The following TBC1D32 variants were observed in gnomAD, a reference collection of about 807,000 sequenced individuals.
The protein encoded by TBC1D32 is TBC1 domain family member 32.
Under a neutral mutation model 170.3 loss-of-function variants are expected in TBC1D32, and 151 were observed. The observed-to-expected ratio is 0.89, with a 90% CI of 0.78 to 1.01. The LOEUF is 1.01. TBC1D32 is among the 50% of genes least tolerant of loss of function. The pLI is 0.00. For synonymous variants in TBC1D32, 498 were observed against 488.0 expected, an observed-to-expected ratio of 1.02 and a Z score of -0.27; for missense variants, 1,464 against 1,457.1, an observed-to-expected ratio of 1.00 and a Z score of -0.08.
chr6:121,245,401 A>C (rs1797466100), intron 17 of TBC1D32, among the ~76,000 whole-genome samples: 1 of 152,174 alleles, frequency 6.6e-6, no homozygotes, highest in African/African-American at 2.4e-5. Flanking sequence ...TTCTTAGAGT[A>C]AGGAGGAGAG....
chr6:121,096,620 C>A (rs1413355881), intron 30 of TBC1D32, among the ~76,000 whole-genome samples: 1 of 152,076 alleles, frequency 6.6e-6, no homozygotes, highest in Non-Finnish European at 1.5e-5. Flanking sequence ...GGCCATACTG[C>A]CCAAAGTAAT....
At chr6:121,151,529 C>T (rs550818224) in intron 24 of TBC1D32, among the ~76,000 whole-genome samples, 38 of 152,150 alleles carry the variant, frequency 2.5e-4, no homozygotes, top group Non-Finnish European at 4.0e-4. Flanking sequence ...GCTTGTTCTA[C>T]AGCTGAGTGC....
intron 17 of TBC1D32, among the ~76,000 whole-genome samples, chr6:121,253,160 C>A (rs553156774): frequency 2.0e-5 from 3 of 152,082 alleles, no homozygotes; most frequent in Non-Finnish European, 2.9e-5. Context: ...AGCGGAGTAA[C>A]CACAACCCAA....
chr6:121,138,861 T>C (rs75397483), intron 24 of TBC1D32, among the ~76,000 whole-genome samples: 1 of 151,934 alleles, frequency 6.6e-6, no homozygotes, highest in South Asian at 2.1e-4. Context: ...TTTTTTTTTT[T>C]TGAGACGGAG....
chr6:121,334,574 C>G (rs986774978), upstream of TBC1D32: 3 of 921,248 alleles, frequency 3.3e-6, no homozygotes, highest in African/African-American at 5.1e-5. Flanking sequence ...TGTGCCTGCG[C>G]CCTCAGCTGC....
rs1809109606 is a variant in TBC1D32, at chr6:121,317,593, C to T, written c.397G>A (p.Glu133Lys). ...ESMINKFEED[E>K]TRNQERQKKI... Reference sequence around the variant, plus strand: ...TTCTGCCTTTCTTGATTTCGTGTCTCATCTTCTTCAAACTTGTTAATCATA... The same window carrying T: ...TTCTGCCTTTCTTGATTTCGTGTCTTATCTTCTTCAAACTTGTTAATCATA... The change falls in exon 3 of 32, where the codon GAG becomes AAG. Residue 133 changes from glutamate to lysine, a missense_variant. By Grantham distance (56) the Glu-to-Lys change is moderately conservative. Transcript: ENST00000398212. The T allele has an allele frequency of 6.2e-7, 1 of 1,612,518 alleles. No individual in the cohort carries two copies. The highest frequency in any genetic ancestry group is 1.1e-5 in the South Asian group (1 of 90,968).
intron 21 of TBC1D32, among the ~76,000 whole-genome samples, chr6:121,211,492 A>T (rs1276861062): frequency 6.6e-6 from 1 of 152,032 alleles, no homozygotes; most frequent in East Asian, 1.9e-4. Flanking sequence ...TGAGTCCCCC[A>T]AGTCCACTGT....
intron 15 of TBC1D32, among the ~76,000 whole-genome samples, chr6:121,272,462 A>G (rs1801593267): frequency 6.6e-6 from 1 of 152,218 alleles, no homozygotes. Flanking sequence ...ATGAATAGAC[A>G]CTTATCAAAA....
intron 10 of TBC1D32, among the ~76,000 whole-genome samples, chr6:121,297,923 T>C (rs569583717): frequency 6.6e-6 from 1 of 152,168 alleles, no homozygotes; most frequent in Admixed American, 6.6e-5. Flanking sequence ...CTAGAGGAAA[T>C]ACATCAGCAG....
intron 3 of TBC1D32, among the ~76,000 whole-genome samples, chr6:121,313,567 G>A (rs1808545779): frequency 6.6e-6 from 1 of 152,076 alleles, no homozygotes; most frequent in Non-Finnish European, 1.5e-5. Context: ...GGCAGCTGCA[G>A]AATCAATGCT....
At chr6:121,195,389 A>G (rs576371125) in intron 22 of TBC1D32, among the ~76,000 whole-genome samples, 4 of 152,210 alleles carry the variant, frequency 2.6e-5, no homozygotes, top group South Asian at 2.1e-4. Context: ...TAACCACTCT[A>G]CTTCTGAGAG....
chr6:121,293,142 A>AT lies in TBC1D32; in HGVS notation c.1232-950_1232-949insA, dbSNP rs953459922. 1.1e-4 allele frequency among the ~76,000 whole-genome samples: 17 copies of AT among 152,200 alleles called. No homozygotes were observed. The East Asian group carries it at 3.1e-3, about 28-fold the overall frequency. Reference sequence around the variant, plus strand: ...TTTTTTTAAAAACATGGCAAAAAAAAAAAATGTAATGAAGCACCCTGAGGT... The same window carrying AT: ...TTTTTTTAAAAACATGGCAAAAAAAATAAAATGTAATGAAGCACCCTGAGGT... On this transcript the variant is annotated intron_variant, in intron 11 of 31. Coordinates refer to ENST00000398212, the MANE Select transcript of TBC1D32 (RefSeq NM_152730.6).
intron 15 of TBC1D32, among the ~76,000 whole-genome samples, chr6:121,268,384 T>G (rs1487466997): frequency 1.3e-5 from 2 of 152,134 alleles, no homozygotes; most frequent in Non-Finnish European, 2.9e-5. Flanking sequence ...GATGAATGGC[T>G]AACTAGAATA....
At chr6:121,168,745 A>G (rs1786512248) in intron 22 of TBC1D32, among the ~76,000 whole-genome samples, 1 of 145,532 alleles carries the variant, frequency 6.9e-6, no homozygotes, top group African/African-American at 2.5e-5. Context: ...TCAACATGCA[A>G]AAATCGCTTG....
intron 22 of TBC1D32, among the ~76,000 whole-genome samples, chr6:121,180,421 A>G (rs1788355405): frequency 6.6e-6 from 1 of 152,026 alleles, no homozygotes; most frequent in African/African-American, 2.4e-5. Flanking sequence ...ACGGAACAGA[A>G]TGAAGAACCC....
At chr6:121,153,161 T>C (rs1225463092) in intron 24 of TBC1D32, among the ~76,000 whole-genome samples, 1 of 152,170 alleles carries the variant, frequency 6.6e-6, no homozygotes, top group Non-Finnish European at 1.5e-5. Flanking sequence ...GTCTTTGCTA[T>C]TGGTGACCTT....
At chr6:121,234,335 C>T (rs1796089769) in intron 20 of TBC1D32, among the ~76,000 whole-genome samples, 1 of 152,026 alleles carries the variant, frequency 6.6e-6, no homozygotes, top group South Asian at 2.1e-4. Flanking sequence ...TCTCTTCTTC[C>T]TAGGGAACAC....
chr6:121,246,432 C>G (rs1239936724), intron 17 of TBC1D32, among the ~76,000 whole-genome samples: 1 of 151,944 alleles, frequency 6.6e-6, no homozygotes, highest in African/African-American at 2.4e-5. Flanking sequence ...AAGAAACAGT[C>G]TACCCAAATG....
At chr6:121,145,723 T>C (rs1409530805) in intron 24 of TBC1D32, among the ~76,000 whole-genome samples, 3 of 152,156 alleles carry the variant, frequency 2.0e-5, no homozygotes, top group Non-Finnish European at 2.9e-5. Context: ...ATATATAGAA[T>C]GCTTATCAAT....
Sources: gnomAD v4.1 joint callset for allele counts (sites outside exome capture counted in the v4.1 genomes callset) on GRCh38, gnomAD v4.1.1 for gene constraint, MANE v1.5 for transcripts, NCBI Gene and HGNC (gene_info 2026-07-23, HGNC 2026-07-21) for gene names.